FNDC3A: variants seen among roughly 807,000 people sequenced by gnomAD.
FNDC3A encodes fibronectin type III domain containing 3A.
A neutral mutation model predicts 148.9 loss-of-function variants in FNDC3A; 32 were observed. The ratio of observed to expected loss-of-function variants is 0.21; its 90% CI spans 0.16 to 0.29. The LOEUF (loss-of-function observed/expected upper bound fraction) is 0.29. Among genes scored for constraint, FNDC3A ranks in the 10% least tolerant of loss-of-function variants. FNDC3A has a pLI of 1.00. For synonymous variants in FNDC3A, 472 were observed against 473.6 expected (o/e 1.00, Z 0.04); for missense variants, 1,191 against 1,452.8 (o/e 0.82, Z 2.93).
In FNDC3A at chr13:49,178,635, G is replaced by A. The variant is rs1477013542; in HGVS notation, c.1598G>A (p.Ser533Asn). ...TACACAGTGAAAAATCTCAGACGTA[G>A]TACTAAGTATAAATTTAAGGTAAGC... Reference protein sequence around the residue: ...LAYTVKNLRRSTKYKFKVIAY... With the variant: ...LAYTVKNLRRNTKYKFKVIAY... Residue 533 changes from serine (S) to asparagine (N), a missense_variant, in exon 14 of 26, where the codon AGT becomes AAT. Ser to Asn is a conservative substitution (Grantham distance 46). Around this residue, in one of 3 missense-constraint regions of FNDC3A, gnomAD observed 751 missense variants for 944.0 expected, o/e 0.80. Transcript: ENST00000492622. 1 of 1,563,408 alleles carries A rather than the reference G, an allele frequency of 6.4e-7. No individual in the cohort carries two copies. Among genetic ancestry groups the A allele is most frequent in the Non-Finnish European group, 8.7e-7 (1 of 1,152,636 alleles).
intron 1 of FNDC3A, among the ~76,000 whole-genome samples, chr13:48,991,750 A>G (rs1354042273): frequency 6.6e-6 from 1 of 152,174 alleles, no homozygotes. Flanking sequence ...CTGGAACTGC[A>G]AAGAGAAATA....
intron 6 of FNDC3A, among the ~76,000 whole-genome samples, chr13:49,136,826 A>G (rs1404499869): frequency 1.3e-5 from 2 of 152,094 alleles, no homozygotes; most frequent in African/African-American, 4.8e-5. Flanking sequence ...ACATTAATCC[A>G]GATTCCTTTC....
At chr13:49,081,612 T>C (rs987347199) in intron 3 of FNDC3A, among the ~76,000 whole-genome samples, 4 of 152,214 alleles carry the variant, frequency 2.6e-5, no homozygotes, top group South Asian at 2.1e-4. Context: ...TTTTGGGATA[T>C]ATTACTTATA....
intron 2 of FNDC3A, among the ~76,000 whole-genome samples, chr13:49,059,692 A>G (rs1184746519): frequency 6.6e-6 from 1 of 152,094 alleles, no homozygotes; most frequent in Non-Finnish European, 1.5e-5. Flanking sequence ...CCTGACCTCA[A>G]GCGATCCTCC....
chr13:49,142,749 A>G (rs1350547699), intron 7 of FNDC3A, among the ~76,000 whole-genome samples: 1 of 152,206 alleles, frequency 6.6e-6, no homozygotes, highest in Non-Finnish European at 1.5e-5. Context: ...ACCAAATTTT[A>G]TCTCATCCAA....
intron 2 of FNDC3A, among the ~76,000 whole-genome samples, chr13:49,024,012 A>G (rs1873518977): frequency 6.6e-6 from 1 of 151,870 alleles, no homozygotes; most frequent in Admixed American, 6.6e-5. Flanking sequence ...AGAAAAAGAG[A>G]TAAATAAATA....
At chr13:49,166,659 G>T (rs1490757470) in intron 8 of FNDC3A, among the ~76,000 whole-genome samples, 1 of 152,046 alleles carries the variant, frequency 6.6e-6, no homozygotes, top group Non-Finnish European at 1.5e-5. Context: ...ACCACTGGGG[G>T]TCACTTACTT....
At chr13:49,013,131 C>T (rs1365196914) in intron 2 of FNDC3A, among the ~76,000 whole-genome samples, 1 of 151,982 alleles carries the variant, frequency 6.6e-6, no homozygotes, top group Non-Finnish European at 1.5e-5. Flanking sequence ...GCCTGTGCAA[C>T]ATATAGTAAG....
At chr13:49,187,599 C>T in intron 16 of FNDC3A, 2 of 1,608,806 alleles carry the variant, frequency 1.2e-6, no homozygotes, top group Non-Finnish European at 1.7e-6. Flanking sequence ...GCAAATTCTT[C>T]CCAGGGCCCT....
At chr13:49,135,320 C>G (rs36057624) in intron 5 of FNDC3A, among the ~76,000 whole-genome samples, 4 of 151,956 alleles carry the variant, frequency 2.6e-5, no homozygotes, top group Non-Finnish European at 5.9e-5. Flanking sequence ...TTTTCACTTT[C>G]CTTGTGGTAT....
intron 2 of FNDC3A, among the ~76,000 whole-genome samples, chr13:49,042,368 A>G (rs1301624583): frequency 6.6e-6 from 1 of 152,078 alleles, no homozygotes; most frequent in African/African-American, 2.4e-5. Context: ...CTATTTTATC[A>G]TCTTCCAGCA....
At chr13:49,167,661 G>T (rs1884547645) in intron 9 of FNDC3A, among the ~76,000 whole-genome samples, 1 of 151,838 alleles carries the variant, frequency 6.6e-6, no homozygotes, top group Non-Finnish European at 1.5e-5. Context: ...AGCCATGATT[G>T]TGCCATTGTA....
In FNDC3A at chr13:49,208,549, ATGT is replaced by A. The variant is rs1485622902; in HGVS notation, c.*1157_*1159del. On this transcript the variant is annotated 3_prime_UTR_variant, in exon 26 of 26. Transcript: ENST00000492622. The stretch of plus-strand genomic sequence containing the variant: ...CCAAATTGTTGATTGCATGTGGTTA[ATGT>A]TGCATTAGAGCACTTTGCAATTGCA... The A allele has an allele frequency of 6.6e-6, 1 of 152,648 alleles. No homozygotes were observed. The highest frequency in any genetic ancestry group is 1.5e-5 in the Non-Finnish European group (1 of 68,036). 9.5% of individuals were successfully genotyped at this position (152,648 alleles called of 1,614,324 possible).
chr13:48,975,992 G>C lies in FNDC3A; in HGVS notation c.-225G>C, dbSNP rs529458522. ...ACAGAAAGCGGGAGCTACGCGGAGAGGGAGCGAAGAGCGGGGCTGAGGCGG... is the reference window on the plus strand; with the variant it reads ...ACAGAAAGCGGGAGCTACGCGGAGACGGAGCGAAGAGCGGGGCTGAGGCGG... On this transcript the variant is annotated 5_prime_UTR_variant, in exon 1 of 26. Coordinates refer to ENST00000492622, the MANE Select transcript of FNDC3A (RefSeq NM_001079673.2). 1.4e-4 allele frequency: 22 copies of C among 153,070 alleles called. No individual in the cohort carries two copies. The highest frequency in any genetic ancestry group is 5.3e-4 in the African/African-American group (22 of 41,592). The allele number at this position is 153,070 out of a possible 1,614,324, so 9.5% of individuals were successfully genotyped here. A position where few individuals can be genotyped will look rare whatever the true frequency, so the allele number is the denominator to read the frequency against.
intron 4 of FNDC3A, among the ~76,000 whole-genome samples, 154 bp from the exon 5 acceptor site, chr13:49,130,983 C>G (rs935086728): frequency 1.3e-5 from 2 of 152,108 alleles, no homozygotes; most frequent in Non-Finnish European, 2.9e-5. Context: ...CCAGGCTGTT[C>G]TCGAACTCCT....
chr13:49,188,688 T>C, intron 17 of FNDC3A, 55 bp downstream of exon 17: 1 of 1,096,174 alleles, frequency 9.1e-7, no homozygotes. Context: ...CCAAATGGGG[T>C]AGGATCACCA....
chr13:48,997,804 A>G (rs1156252494), intron 1 of FNDC3A, among the ~76,000 whole-genome samples: 1 of 152,118 alleles, frequency 6.6e-6, no homozygotes, highest in African/African-American at 2.4e-5. Flanking sequence ...TGGTGCTAAG[A>G]AATGGGTGAC....
intron 8 of FNDC3A, among the ~76,000 whole-genome samples, chr13:49,166,882 G>C (rs1452419562): frequency 6.6e-6 from 1 of 152,106 alleles, no homozygotes; most frequent in South Asian, 2.1e-4. Flanking sequence ...TGGCAATTTT[G>C]CTTTCAACAG....
At chr13:49,048,994 A>G (rs2137707031) in intron 2 of FNDC3A, among the ~76,000 whole-genome samples, 1 of 152,244 alleles carries the variant, frequency 6.6e-6, no homozygotes, top group African/African-American at 2.4e-5. Flanking sequence ...TGTCCCTTCT[A>G]TGCTGATTTT....
Sources: allele counts gnomAD v4.1 joint callset (sites outside exome capture counted in the v4.1 genomes callset), GRCh38; gene constraint gnomAD v4.1.1; regional missense constraint gnomAD v4.1.1; transcripts MANE v1.5; gene names NCBI Gene and HGNC (gene_info 2026-07-23, HGNC 2026-07-21).